The following MTSS1 variants were observed in gnomAD, a reference collection of about 807,000 sequenced individuals.
The protein encoded by MTSS1 is protein MTSS 1.
In MTSS1, 18 loss-of-function variants were observed where a neutral mutation model predicts 79.0. The observed-to-expected ratio is 0.23, with a 90% confidence interval of 0.16 to 0.34. The LOEUF (loss-of-function observed/expected upper bound fraction) is 0.34, where lower values mean the gene tolerates loss of function less well. Ranked by LOEUF, MTSS1 falls within the 10% of genes least tolerant of loss-of-function variation. The pLI is 1.00. For missense variants in MTSS1, 815 were observed against 986.2 expected, an observed-to-expected ratio of 0.83 and a Z score of 2.33; for synonymous variants, 341 against 368.6, an observed-to-expected ratio of 0.93 and a Z score of 0.86.
chr8:124,613,613 C>G (rs968283170), intron 3 of MTSS1, among the ~76,000 whole-genome samples: 3 of 152,194 alleles, frequency 2.0e-5, no homozygotes, highest in African/African-American at 7.2e-5. Context: ...ACAGAAAGGT[C>G]CTTCAAGCCT....
At chr8:124,616,529 T>C (rs1836900435) in intron 3 of MTSS1, among the ~76,000 whole-genome samples, 1 of 152,074 alleles carries the variant, frequency 6.6e-6, no homozygotes, top group Non-Finnish European at 1.5e-5. Flanking sequence ...AACAAGACTG[T>C]CCCTGCTGTC....
chr8:124,628,796 A>G (rs2133755985), intron 3 of MTSS1, among the ~76,000 whole-genome samples: 1 of 152,364 alleles, frequency 6.6e-6, no homozygotes, highest in South Asian at 2.1e-4. Context: ...TTCATTGCCC[A>G]TCCTCATTTT....
chr8:124,562,995 G>T lies in MTSS1; in HGVS notation c.825-3C>A. 1 of 1,602,864 alleles carries T rather than the reference G, an allele frequency of 6.2e-7. No individual in the cohort carries two copies. The highest frequency in any genetic ancestry group is 2.2e-5 in the East Asian group (1 of 44,508). ...TGCTGTTGACACTGTTCAGGCTGCT[G>T]TGGAGGACAAGCAGGGGTGAGGGGT... On this transcript the variant is annotated splice_polypyrimidine_tract_variant and splice_region_variant and intron_variant, in intron 9 of 13. Transcript: ENST00000518547.
At chr8:124,688,538 C>G (rs151223312) in intron 3 of MTSS1, among the ~76,000 whole-genome samples, 8 of 152,254 alleles carry the variant, frequency 5.3e-5, no homozygotes, top group Admixed American at 3.9e-4. Context: ...TAGCCTCCCC[C>G]CTTCCAAAGA....
At chr8:124,604,309 C>T (rs142653942) in intron 3 of MTSS1, among the ~76,000 whole-genome samples, 7 of 152,192 alleles carry the variant, frequency 4.6e-5, no homozygotes, top group East Asian at 1.9e-4. Context: ...CATCCTGGGG[C>T]GCATGGGGCC....
rs112949787 is a variant in MTSS1, at chr8:124,673,975, A to G, written c.208+25551T>C. 7.5e-3 allele frequency among the ~76,000 whole-genome samples: 1,139 copies of G among 152,252 alleles called. 17 individuals are homozygous for G. Among genetic ancestry groups the G allele is most frequent in the African/African-American group, 0.026 (1,084 of 41,546 alleles). On this transcript the variant is annotated intron_variant, in intron 3 of 13. Transcript: ENST00000518547. The stretch of plus-strand genomic sequence containing the variant: ...TCCTCTTCCTCAGAGAGCAGGAGAC[A>G]GGGTCAATGATCCAAGCTGCAGCAT...
At chr8:124,659,781 G>A (rs1280327202) in intron 3 of MTSS1, among the ~76,000 whole-genome samples, 2 of 152,172 alleles carry the variant, frequency 1.3e-5, no homozygotes, top group African/African-American at 4.8e-5. Flanking sequence ...TCCCACCTGG[G>A]TAACATGAAG....
intron 3 of MTSS1, among the ~76,000 whole-genome samples, chr8:124,595,316 T>C (rs1187547161): frequency 6.6e-6 from 1 of 152,226 alleles, no homozygotes; most frequent in Non-Finnish European, 1.5e-5. Flanking sequence ...CAGAAGTTTA[T>C]TATCTTATAG....
chr8:124,691,992 A>C (rs1828015610), intron 3 of MTSS1, among the ~76,000 whole-genome samples: 1 of 151,860 alleles, frequency 6.6e-6, no homozygotes, highest in African/African-American at 2.4e-5. Flanking sequence ...TAATAAGAAG[A>C]CAAATATTTC....
chr8:124,602,911 GTGGGCATCTCCTGTAAT>G (rs548920285), intron 3 of MTSS1, among the ~76,000 whole-genome samples: 1 of 152,312 alleles, frequency 6.6e-6, no homozygotes, highest in Non-Finnish European at 1.5e-5. Context: ...CCCCCATAGA[GTGGGCATCTCCTGTAAT>G]TGGAAATGAC....
intron 6 of MTSS1, chr8:124,568,974 AAT>A: frequency 1.7e-6 from 1 of 587,364 alleles, no homozygotes; most frequent in Non-Finnish European, 2.4e-6. Flanking sequence ...GGTCAATCTC[AAT>A]CAAAGAGCCT....
chr8:124,660,079 G>T (rs959964759), intron 3 of MTSS1, among the ~76,000 whole-genome samples: 1 of 152,152 alleles, frequency 6.6e-6, no homozygotes, highest in Non-Finnish European at 1.5e-5. Flanking sequence ...AGGTAGGATG[G>T]CCACTCTGAG....
At chr8:124,555,052 C>T (rs1823298994) in intron 13 of MTSS1, among the ~76,000 whole-genome samples, 1 of 152,210 alleles carries the variant, frequency 6.6e-6, no homozygotes, top group African/African-American at 2.4e-5. Context: ...GCCATGTTTC[C>T]CAGACTGGTC....
At position 124,687,745 on chromosome 8, in the gene MTSS1, C is replaced by T. The variant is rs562367486; in HGVS notation, c.208+11781G>A. Among the ~76,000 whole-genome samples, 142 of 152,242 alleles carry T rather than the reference C, an allele frequency of 9.3e-4. 2 individuals are homozygous for T. The highest frequency in any genetic ancestry group is 1.7e-3 in the Non-Finnish European group (118 of 68,040). On this transcript the variant is annotated intron_variant, in intron 3 of 13. Transcript: ENST00000518547. The stretch of plus-strand genomic sequence containing the variant: ...GCACAGGAAGAAGAATGTTTACTAT[C>T]GCCTCCACAATTCTTTTGTATTTTA...
intron 3 of MTSS1, among the ~76,000 whole-genome samples, chr8:124,602,154 A>T (rs533219444): frequency 8.3e-6 from 1 of 120,252 alleles, no homozygotes; most frequent in South Asian, 2.5e-4. Flanking sequence ...CAGCTACTAA[A>T]AAAAAAAAAT....
chr8:124,587,856 C>T (rs562290148), intron 5 of MTSS1, among the ~76,000 whole-genome samples: 2 of 152,196 alleles, frequency 1.3e-5, no homozygotes, highest in South Asian at 2.1e-4. Flanking sequence ...TGTACCCATA[C>T]TTCTGAATCT....
chr8:124,691,189 C>T (rs73345831), intron 3 of MTSS1, among the ~76,000 whole-genome samples: 2,012 of 152,058 alleles, frequency 0.013, 37 homozygotes, highest in African/African-American at 0.046. Flanking sequence ...AATGATGAGA[C>T]CAAAAGCAGA....
intron 6 of MTSS1, among the ~76,000 whole-genome samples, chr8:124,578,939 T>C (rs959558574): frequency 6.6e-6 from 1 of 152,150 alleles, no homozygotes; most frequent in African/African-American, 2.4e-5. Context: ...TGTATAAATA[T>C]TTTAAACATT....
At chr8:124,642,963 T>G (rs992011815) in intron 3 of MTSS1, among the ~76,000 whole-genome samples, 1 of 152,236 alleles carries the variant, frequency 6.6e-6, no homozygotes. Context: ...TGAAACCTAC[T>G]TGAGCCAGCC....
Sources: gnomAD v4.1 joint callset for allele counts (sites outside exome capture counted in the v4.1 genomes callset) on GRCh38, gnomAD v4.1.1 for gene constraint, MANE v1.5 for transcripts, NCBI Gene and HGNC (gene_info 2026-07-23, HGNC 2026-07-21) for gene names.